The following PSME3 variants were observed in gnomAD, a reference collection of about 807,000 sequenced individuals.
PSME3 encodes proteasome activator subunit 3.
PSME3 carries 7 observed loss-of-function variants against 38.3 expected under a neutral mutation model. That is an observed-to-expected ratio of 0.18 (90% CI 0.10 to 0.34). The LOEUF (loss-of-function observed/expected upper bound fraction) is 0.34, where lower values mean the gene tolerates loss of function less well. Among genes scored for constraint, PSME3 ranks in the 10% least tolerant of loss-of-function variants. The pLI, the probability that PSME3 is intolerant of heterozygous loss-of-function variation, is 1.00. For missense variants in PSME3, 192 were observed against 307.6 expected (o/e 0.62, Z 2.81); for synonymous variants, 108 against 105.7 (o/e 1.02, Z -0.13).
At chr17:42,835,818 G>A (rs2144244530) in intron 4 of PSME3, among the ~76,000 whole-genome samples, 2 of 152,172 alleles carry the variant, frequency 1.3e-5, no homozygotes, top group East Asian at 1.9e-4. Flanking sequence ...CATGTCTTGA[G>A]TAGTGTTATG....
At chr17:42,836,103 C>G (rs2055460124) in intron 4 of PSME3, among the ~76,000 whole-genome samples, 1 of 150,558 alleles carries the variant, frequency 6.6e-6, no homozygotes. Context: ...CTCCCGGGTT[C>G]AAGTGATTCT....
intron 10 of PSME3, among the ~76,000 whole-genome samples, chr17:42,840,278 C>T (rs911193182): frequency 6.6e-5 from 10 of 150,840 alleles, no homozygotes; most frequent in East Asian, 3.9e-4. Flanking sequence ...AGCGAAACTC[C>T]GCCTCAAATA....
chr17:42,840,606 C>T (rs2055520080), intron 10 of PSME3, among the ~76,000 whole-genome samples: 1 of 151,938 alleles, frequency 6.6e-6, no homozygotes, highest in Non-Finnish European at 1.5e-5. Context: ...AAAACTCCGT[C>T]TCAAAAAAAG....
intron 4 of PSME3, among the ~76,000 whole-genome samples, chr17:42,835,947 G>C (rs1012275779): frequency 6.6e-6 from 1 of 150,854 alleles, no homozygotes; most frequent in East Asian, 1.9e-4. Flanking sequence ...CCGTATTGTT[G>C]TCTGTAGTAC....
At chr17:42,836,474 A>G (rs560599284) in intron 4 of PSME3, among the ~76,000 whole-genome samples, 22 of 151,940 alleles carry the variant, frequency 1.4e-4, no homozygotes, top group East Asian at 3.9e-4. Context: ...CTTTTTTCCT[A>G]TTCTTTATAA....
intron 10 of PSME3, among the ~76,000 whole-genome samples, chr17:42,840,260 G>T (rs1396451260): frequency 6.6e-6 from 1 of 151,966 alleles, no homozygotes; most frequent in East Asian, 1.9e-4. Flanking sequence ...TCCAGCCTGG[G>T]CAACAAGAGC....
At position 42,834,927 on chromosome 17, in the gene PSME3, C is replaced by G. The variant is rs919088989; in HGVS notation, c.243+51C>G. 3 of 1,605,996 alleles carry G rather than the reference C, an allele frequency of 1.9e-6. No homozygotes were observed. The African/African-American group carries it at 4.0e-5, about 22-fold the overall frequency. Reference sequence around the variant, plus strand: ...GTTCTTGAGCAGTAGGTCCTCTGTCCTCTGTTTCCTTGTCAGTTTAAGATG... The same window carrying G: ...GTTCTTGAGCAGTAGGTCCTCTGTCGTCTGTTTCCTTGTCAGTTTAAGATG... On this transcript the variant is annotated intron_variant, in intron 4 of 10. Coordinates refer to ENST00000590720, the MANE Select transcript of PSME3 (RefSeq NM_005789.4).
In PSME3 at chr17:42,842,739, G is replaced by A. The variant is rs1311262224; in HGVS notation, c.*1161G>A. On this transcript the variant is annotated 3_prime_UTR_variant, in exon 11 of 11. Transcript: ENST00000590720. Reference sequence around the variant, plus strand: ...GGCAAGTCAAAACTATAGAAGAGTTGCCTCCTGTCTCTCGAATCTTCCAGA... The same window carrying A: ...GGCAAGTCAAAACTATAGAAGAGTTACCTCCTGTCTCTCGAATCTTCCAGA... 6.5e-6 allele frequency: 1 copy of A among 152,798 alleles called. No homozygotes were observed. Among genetic ancestry groups the A allele is most frequent in the African/African-American group, 2.4e-5 (1 of 41,444 alleles). The allele number at this position is 152,798 out of a possible 1,614,324, so 9.5% of individuals were successfully genotyped here. A position where few individuals can be genotyped will look rare whatever the true frequency, so the allele number is the denominator to read the frequency against.
chr17:42,840,508 T>C (rs953227165), intron 10 of PSME3, among the ~76,000 whole-genome samples: 2 of 151,196 alleles, frequency 1.3e-5, no homozygotes, highest in African/African-American at 4.9e-5. Flanking sequence ...ATCGGGAGGC[T>C]GAGGCAGGAG....
Position 42,841,442 on chromosome 17 carries a change from C to T in PSME3, c.685-56C>T, listed in dbSNP as rs2055533093. Reference sequence around the variant, plus strand: ...GATTTGTGAAGGGGTCTCTCATTTTCTTGATGAGGTAAGGGTTGTACAGAT... The same window carrying T: ...GATTTGTGAAGGGGTCTCTCATTTTTTTGATGAGGTAAGGGTTGTACAGAT... On this transcript the variant is annotated intron_variant, in intron 10 of 10. Coordinates refer to ENST00000590720, the MANE Select transcript of PSME3 (RefSeq NM_005789.4). 6 of 1,142,986 alleles carry T rather than the reference C, an allele frequency of 5.2e-6. No individual in the cohort carries two copies. In the South Asian group the frequency reaches 9.1e-5, roughly 17 times the overall value. The allele number at this position is 1,142,986 out of a possible 1,614,324, so 70.8% of individuals were successfully genotyped here. A position where few individuals can be genotyped will look rare whatever the true frequency, so the allele number is the denominator to read the frequency against.
At chr17:42,834,658 C>G (rs933489641) in intron 3 of PSME3, 81 bp downstream of exon 3, 1 of 1,599,010 alleles carries the variant, frequency 6.3e-7, no homozygotes, top group Non-Finnish European at 8.5e-7. Flanking sequence ...ACTGTTGATT[C>G]TTCTTCTTTT....
chr17:42,834,613 T>A (rs1448959373), intron 3 of PSME3, 36 bp downstream of exon 3: 1 of 1,612,036 alleles, frequency 6.2e-7, no homozygotes, highest in Non-Finnish European at 8.5e-7. Flanking sequence ...ATTCCCCAAT[T>A]TTTTTGGCCC....
At chr17:42,834,611 AT>A (rs2055439913) in intron 3 of PSME3, 34 bp downstream of exon 3, 3 of 1,611,354 alleles carry the variant, frequency 1.9e-6, no homozygotes, top group Non-Finnish European at 2.5e-6. Context: ...AAATTCCCCA[AT>A]TTTTTTGGCC....
intron 10 of PSME3, among the ~76,000 whole-genome samples, chr17:42,841,132 C>CAAAA (rs35142424): frequency 7.8e-5 from 5 of 63,776 alleles, no homozygotes; most frequent in Non-Finnish European, 1.3e-4. Context: ...GACCGTGTCT[C>CAAAA]AAAAAAAAAA....
At chr17:42,839,217 G>C (rs371079095) in intron 9 of PSME3, 51 bp downstream of exon 9, 1 of 1,561,264 alleles carries the variant, frequency 6.4e-7, no homozygotes, top group East Asian at 2.2e-5. Flanking sequence ...ATAGTGAAGA[G>C]TGACTGTTAC....
chr17:42,834,657 T>C, intron 3 of PSME3, 80 bp downstream of exon 3: 1 of 1,599,732 alleles, frequency 6.3e-7, no homozygotes, highest in South Asian at 1.1e-5. Flanking sequence ...AACTGTTGAT[T>C]CTTCTTCTTT....
chr17:42,839,210 G>A (rs2144253844), intron 9 of PSME3, 44 bp downstream of exon 9: 1 of 1,561,750 alleles, frequency 6.4e-7, no homozygotes, highest in Non-Finnish European at 8.8e-7. Flanking sequence ...TGGCAGGATA[G>A]TGAAGAGTGA....
In PSME3 at chr17:42,842,259, C is replaced by T. The variant is rs1400583651; in HGVS notation, c.*681C>T. 6.6e-6 allele frequency: 1 copy of T among 152,666 alleles called. No individual in the cohort carries two copies. The highest frequency in any genetic ancestry group is 2.4e-5 in the African/African-American group (1 of 41,448). The allele number at this position is 152,666 out of a possible 1,614,324, so 9.5% of individuals were successfully genotyped here. On this transcript the variant is annotated 3_prime_UTR_variant, in exon 11 of 11. Coordinates refer to ENST00000590720, the MANE Select transcript of PSME3 (RefSeq NM_005789.4). ...ACAGACATGCACACACAGACTCCTA[C>T]TCCATTAGCTAACATACCCTCCCTC...
Position 42,837,654 on chromosome 17 carries a change from T to A in PSME3, c.249T>A (p.Thr83=). 1 of 1,614,110 alleles carries A rather than the reference T, an allele frequency of 6.2e-7. No individual in the cohort carries two copies. Among genetic ancestry groups the A allele is most frequent in the Non-Finnish European group, 8.5e-7 (1 of 1,180,008 alleles). Residue 83 remains threonine (T), a synonymous_variant, in exon 5 of 11, where the codon ACT becomes ACA. Transcript: ENST00000590720. ...CTGCCTCTTTGTATCCTTAGCCCAC[T>A]TATAAGAAGCGAAGGTTGGATGAGT... is the stretch of plus-strand genomic sequence containing the variant. ...TNSHDGLDGP[T]YKKRRLDECE...
Sources: gnomAD v4.1 joint callset for allele counts (sites outside exome capture counted in the v4.1 genomes callset) on GRCh38, gnomAD v4.1.1 for gene constraint, MANE v1.5 for transcripts, NCBI Gene and HGNC (gene_info 2026-07-23, HGNC 2026-07-21) for gene names.